GALNT18: variants seen among roughly 807,000 people sequenced by gnomAD.
GALNT18 encodes the protein polypeptide N-acetylgalactosaminyltransferase 18.
GALNT18 carries 44 observed loss-of-function variants against 69.5 expected under a neutral mutation model. The observed-to-expected ratio is 0.63, with a 90% confidence interval of 0.50 to 0.81. The LOEUF is 0.81. Among genes scored for constraint, GALNT18 ranks in the 40% least tolerant of loss-of-function variants. GALNT18 has a pLI of 0.00. For synonymous variants in GALNT18, 364 were observed against 318.2 expected, an observed-to-expected ratio of 1.14 and a Z score of -1.53; for missense variants, 715 against 810.0, an observed-to-expected ratio of 0.88 and a Z score of 1.42.
intron 1 of GALNT18, among the ~76,000 whole-genome samples, chr11:11,599,067 C>T (rs569551222): frequency 6.6e-6 from 1 of 151,946 alleles, no homozygotes; most frequent in African/African-American, 2.4e-5. Flanking sequence ...GTGTATTCTG[C>T]TGTTATTAAA....
At position 11,602,750 on chromosome 11, in the gene GALNT18, T is replaced by A. The variant is rs776539592; in HGVS notation, c.235+18609A>T. Among the ~76,000 whole-genome samples the A allele has an allele frequency of 6.6e-6, 1 of 152,188 alleles. No homozygotes were observed. Among genetic ancestry groups the A allele is most frequent in the Non-Finnish European group, 1.5e-5 (1 of 68,030 alleles). ...ATTCCAGTTCTTCCCTAACCCCCTG[T>A]GATTTGCACTGCAAAAAAAGAGAGA... On this transcript the variant is annotated intron_variant, in intron 1 of 10. Transcript: ENST00000227756. The surrounding 1 kb of genome is among the most constrained non-coding windows in gnomAD (Gnocchi z 4.7).
intron 3 of GALNT18, among the ~76,000 whole-genome samples, chr11:11,429,768 C>T (rs1433114812): frequency 6.6e-6 from 1 of 152,188 alleles, no homozygotes; most frequent in African/African-American, 2.4e-5. Flanking sequence ...ATGCACTGGA[C>T]ACCAAATATG....
At chr11:11,474,026 T>C (rs1856333357) in intron 1 of GALNT18, among the ~76,000 whole-genome samples, 1 of 152,124 alleles carries the variant, frequency 6.6e-6, no homozygotes, top group Non-Finnish European at 1.5e-5. Flanking sequence ...GATCCGACAC[T>C]GCACTCCAGC....
At chr11:11,317,043 C>G (rs535393712) in intron 9 of GALNT18, among the ~76,000 whole-genome samples, 1 of 152,292 alleles carries the variant, frequency 6.6e-6, no homozygotes, top group Non-Finnish European at 1.5e-5. Flanking sequence ...AGAAATTTTC[C>G]GGGCTGTTAC....
At chr11:11,438,650 G>A (rs1855464133) in intron 2 of GALNT18, among the ~76,000 whole-genome samples, 1 of 152,156 alleles carries the variant, frequency 6.6e-6, no homozygotes, top group South Asian at 2.1e-4. Flanking sequence ...GCTGAATGAT[G>A]GTTTCTATAT....
intron 1 of GALNT18, among the ~76,000 whole-genome samples, chr11:11,579,952 A>G (rs557894586): frequency 6.6e-6 from 1 of 152,260 alleles, no homozygotes; most frequent in East Asian, 1.9e-4. Context: ...AAACTCAACA[A>G]AAGATGTGCC....
intron 1 of GALNT18, among the ~76,000 whole-genome samples, chr11:11,460,272 A>G (rs1240583288): frequency 6.6e-6 from 1 of 152,228 alleles, no homozygotes; most frequent in Non-Finnish European, 1.5e-5. Flanking sequence ...TACCATAGCA[A>G]GAGTCCAATC....
At chr11:11,299,763 G>A (rs1849462318) in intron 9 of GALNT18, among the ~76,000 whole-genome samples, 2 of 152,324 alleles carry the variant, frequency 1.3e-5, no homozygotes, top group South Asian at 4.1e-4. Flanking sequence ...GAATTGTGCT[G>A]CTATAAACAC....
Position 11,376,796 on chromosome 11 carries a change from C to A in GALNT18, c.977+386G>T, listed in dbSNP as rs1425826154. Among the ~76,000 whole-genome samples the A allele has an allele frequency of 3.3e-5, 5 of 152,154 alleles. No homozygotes were observed. The South Asian group carries it at 1.0e-3, about 32-fold the overall frequency. On this transcript the variant is annotated intron_variant, in intron 5 of 10. Transcript: ENST00000227756. ...AAATGCTGCCCTCTGAAAAGCATTTCCCCGCTTTCAATGCAGTTTCTGCCT... is the reference window on the plus strand; with the variant it reads ...AAATGCTGCCCTCTGAAAAGCATTTACCCGCTTTCAATGCAGTTTCTGCCT...
chr11:11,350,994 C>A (rs1850389968), intron 6 of GALNT18, among the ~76,000 whole-genome samples: 1 of 152,154 alleles, frequency 6.6e-6, no homozygotes, highest in Non-Finnish European at 1.5e-5. Context: ...GGCAAGGTGA[C>A]CAAAGAGGCA....
At chr11:11,446,225 A>T (rs1253964991) in intron 2 of GALNT18, among the ~76,000 whole-genome samples, 1 of 152,136 alleles carries the variant, frequency 6.6e-6, no homozygotes, top group Admixed American at 6.5e-5. Flanking sequence ...CTGCCCTGTT[A>T]ATGTGGTCCA....
rs1292589086 is a variant in GALNT18, at chr11:11,614,594, C to G, written c.235+6765G>C. 6.6e-6 allele frequency among the ~76,000 whole-genome samples: 1 copy of G among 152,200 alleles called. No homozygotes were observed. Among genetic ancestry groups the G allele is most frequent in the Non-Finnish European group, 1.5e-5 (1 of 68,034 alleles). On this transcript the variant is annotated intron_variant, in intron 1 of 10. Transcript: ENST00000227756. This position sits in a 1 kb window ranked among gnomAD's most constrained non-coding sequence, Gnocchi z 5.6. The stretch of plus-strand genomic sequence containing the variant: ...ATTCAAGCATATCAAGCACATTCAG[C>G]TATTCAAGTGAAGTGAGGTCAGAAA...
At chr11:11,273,564 A>C (rs1013014748) in intron 10 of GALNT18, among the ~76,000 whole-genome samples, 1 of 152,252 alleles carries the variant, frequency 6.6e-6, no homozygotes, top group Non-Finnish European at 1.5e-5. Flanking sequence ...GAGGATGTAG[A>C]GAAAAGGAAA....
intron 1 of GALNT18, among the ~76,000 whole-genome samples, chr11:11,508,721 T>C (rs1280690866): frequency 6.6e-6 from 1 of 152,218 alleles, no homozygotes; most frequent in Non-Finnish European, 1.5e-5. Context: ...AATGAAGCCT[T>C]TGGCACTTTT....
At chr11:11,531,935 T>C (rs948859892) in intron 1 of GALNT18, among the ~76,000 whole-genome samples, 1 of 152,168 alleles carries the variant, frequency 6.6e-6, no homozygotes, top group African/African-American at 2.4e-5. Flanking sequence ...TGTGTGTGAG[T>C]GCAGGTACTA....
At chr11:11,525,255 G>A (rs115241878) in intron 1 of GALNT18, among the ~76,000 whole-genome samples, 115 of 152,122 alleles carry the variant, frequency 7.6e-4, no homozygotes, top group African/African-American at 2.5e-3. Context: ...TCAAGGAAAC[G>A]CGAATGACTG....
chr11:11,285,618 C>G (rs1202023633), intron 10 of GALNT18, among the ~76,000 whole-genome samples: 1 of 152,170 alleles, frequency 6.6e-6, no homozygotes, highest in African/African-American at 2.4e-5. Flanking sequence ...CTGGACAGTT[C>G]TACACTTGTC....
rs773198237 is a variant in GALNT18 at position 11,352,404 on chromosome 11, T to C, written c.1093-11400A>G. 27 of 1,614,022 alleles carry C rather than the reference T, an allele frequency of 1.7e-5. No homozygotes were observed. The East Asian group carries it at 3.8e-4, about 23-fold the overall frequency. ...CTTGGCTATCCTCACCAACTGATCATAATTGTCACGTCCATGGAAAAATGG... is the reference window on the plus strand; with the variant it reads ...CTTGGCTATCCTCACCAACTGATCACAATTGTCACGTCCATGGAAAAATGG... On this transcript the variant is annotated intron_variant, in intron 6 of 10. Coordinates refer to ENST00000227756, the MANE Select transcript of GALNT18 (RefSeq NM_198516.3).
Position 11,327,134 on chromosome 11 carries a change from A to C in GALNT18, c.1464T>G (p.Asp488Glu), listed in dbSNP as rs1288349985. Residue 488 changes from aspartate (D) to glutamate (E), a missense_variant, in exon 9 of 11, where the codon GAT (aspartate) becomes GAG (glutamate). Physicochemically the swap from Asp to Glu is conservative, Grantham distance 45. Transcript: ENST00000227756. ...KTDLCLDQGPDTENVPIMYIC... is the reference protein window; with the variant it reads ...KTDLCLDQGPETENVPIMYIC... ...TGTACATGATGGGGACATTCTCTGT[A>C]TCTGGCCCCTGGTCAAGACACAAAT... 1.2e-6 allele frequency: 2 copies of C among 1,613,968 alleles called. No homozygotes were observed. Among genetic ancestry groups the C allele is most frequent in the African/African-American group, 1.3e-5 (1 of 74,918 alleles).
Sources: gnomAD v4.1 joint callset for allele counts (sites outside exome capture counted in the v4.1 genomes callset) on GRCh38, gnomAD v4.1.1 for gene constraint, Gnocchi (gnomAD v3.1) non-coding constraint, MANE v1.5 for transcripts, NCBI Gene and HGNC (gene_info 2026-07-23, HGNC 2026-07-21) for gene names.